The following TBX5 variants were observed in gnomAD, a reference collection of about 807,000 sequenced individuals.
TBX5 encodes T-box transcription factor 5, also known as T-box transcription factor TBX5.
TBX5 carries 8 observed loss-of-function variants against 51.1 expected under a neutral mutation model. The ratio of observed to expected loss-of-function variants is 0.16; its 90% CI spans 0.09 to 0.28. The LOEUF is 0.28. TBX5 is among the 10% of genes least tolerant of loss of function. TBX5 has a pLI of 1.00. For missense variants in TBX5, 589 were observed against 671.7 expected, an observed-to-expected ratio of 0.88 and a Z score of 1.36; for synonymous variants, 302 against 266.4, an observed-to-expected ratio of 1.13 and a Z score of -1.30.
At chr12:114,386,651 A>C (rs1461677447) in intron 6 of TBX5, among the ~76,000 whole-genome samples, 1 of 152,218 alleles carries the variant, frequency 6.6e-6, no homozygotes, top group Non-Finnish European at 1.5e-5. Context: ...GAAGAAAATA[A>C]ATATATGTAA....
At chr12:114,356,760 C>G (rs1868940047) in intron 8 of TBX5, among the ~76,000 whole-genome samples, 2 of 152,190 alleles carry the variant, frequency 1.3e-5, no homozygotes, top group Admixed American at 6.5e-5. Flanking sequence ...ATTCTAAGCA[C>G]TCTCCAGGAA....
chr12:114,365,829 C>CAAAAAAAAA (rs56315440), intron 8 of TBX5, among the ~76,000 whole-genome samples: 1 of 124,652 alleles, frequency 8.0e-6, no homozygotes. Flanking sequence ...GATCCTGTCT[C>CAAAAAAAAA]AAAAAAAAAA....
intron 1 of TBX5, among the ~76,000 whole-genome samples, 185 bp downstream of exon 1, chr12:114,405,443 G>C (rs921053541): frequency 6.6e-6 from 1 of 152,136 alleles, no homozygotes; most frequent in Non-Finnish European, 1.5e-5. Flanking sequence ...CCTCAATGCC[G>C]CTCCGCCAGC....
chr12:114,399,286 C>T (rs1246501520), intron 4 of TBX5, among the ~76,000 whole-genome samples: 1 of 152,206 alleles, frequency 6.6e-6, no homozygotes, highest in Non-Finnish European at 1.5e-5. Context: ...ACAGGCACCT[C>T]ACTTCCTCTG....
intron 6 of TBX5, among the ~76,000 whole-genome samples, chr12:114,387,009 G>A (rs923898719): frequency 1.3e-5 from 2 of 151,992 alleles, no homozygotes; most frequent in Non-Finnish European, 2.9e-5. Flanking sequence ...CAGAGGCTAA[G>A]GCAGGTGAAT....
At chr12:114,373,024 T>A in intron 7 of TBX5, among the ~76,000 whole-genome samples, 1 of 142,586 alleles carries the variant, frequency 7.0e-6, no homozygotes, top group Non-Finnish European at 1.5e-5. Context: ...ACACACACAC[T>A]GGGGACACAT....
At chr12:114,393,512 A>T (rs184451526) in intron 6 of TBX5, among the ~76,000 whole-genome samples, 3 of 152,290 alleles carry the variant, frequency 2.0e-5, no homozygotes, top group Admixed American at 1.3e-4. Flanking sequence ...TGCCACCCAC[A>T]ATAAAATGAA....
At chr12:114,381,872 A>C (rs1361037968) in intron 7 of TBX5, among the ~76,000 whole-genome samples, 1 of 152,224 alleles carries the variant, frequency 6.6e-6, no homozygotes, top group Non-Finnish European at 1.5e-5. Flanking sequence ...TTTCCAGGGC[A>C]ACTGCTAACA....
intron 6 of TBX5, among the ~76,000 whole-genome samples, chr12:114,392,862 G>T (rs1871236919): frequency 6.6e-6 from 1 of 152,154 alleles, no homozygotes; most frequent in Admixed American, 6.5e-5. Flanking sequence ...CCTCGGTTTT[G>T]CTCTTGCTGG....
At chr12:114,382,180 G>A (rs1431947789) in intron 7 of TBX5, among the ~76,000 whole-genome samples, 1 of 152,066 alleles carries the variant, frequency 6.6e-6, no homozygotes, top group East Asian at 1.9e-4. Flanking sequence ...TGGATGCGGT[G>A]CTGTGTGCCT....
intron 8 of TBX5, among the ~76,000 whole-genome samples, chr12:114,365,252 G>A (rs1869455336): frequency 6.6e-6 from 1 of 151,164 alleles, no homozygotes; most frequent in South Asian, 2.1e-4. Context: ...GAGAAACACT[G>A]ACACATATGC....
At position 114,403,922 on chromosome 12, in the gene TBX5, G is replaced by T. The variant is rs769107196; in HGVS notation, c.-24C>A. ...ATGGTGCGCCCAGGGCCCTGTGCCC[G>T]CGCAAGGTTCTGCTCTGAGGACAAG... is the stretch of plus-strand genomic sequence containing the variant. On this transcript the variant is annotated 5_prime_UTR_variant, in exon 2 of 9. Coordinates refer to ENST00000405440, the MANE Select transcript of TBX5 (RefSeq NM_181486.4). 14 of 1,607,784 alleles carry T rather than the reference G, an allele frequency of 8.7e-6. No homozygotes were observed. In the East Asian group the frequency reaches 1.8e-4, roughly 20 times the overall value.
rs1298995397 is a variant in TBX5, at chr12:114,403,737, G to A, written c.147+15C>T. 1 of 1,612,092 alleles carries A rather than the reference G, an allele frequency of 6.2e-7. No individual in the cohort carries two copies. The highest frequency in any genetic ancestry group is 8.5e-7 in the Non-Finnish European group (1 of 1,179,850). ...TGATCTCTGCAAAGGGACCCGAAGC[G>A]CGAGGTCTCCTTACCTGCTGGGTGA... is the stretch of plus-strand genomic sequence containing the variant. On this transcript the variant is annotated intron_variant, in intron 2 of 8. Transcript: ENST00000405440.
intron 2 of TBX5, among the ~76,000 whole-genome samples, chr12:114,403,002 C>T (rs556448025): frequency 6.6e-6 from 1 of 152,382 alleles, no homozygotes; most frequent in Non-Finnish European, 1.5e-5. Flanking sequence ...CCCCGTTTCA[C>T]CCCATGTGAC....
intron 6 of TBX5, among the ~76,000 whole-genome samples, chr12:114,388,684 G>GTT (rs1307947552): frequency 1.3e-4 from 15 of 119,676 alleles, no homozygotes; most frequent in East Asian, 3.1e-4. Flanking sequence ...CCGTGTGTGT[G>GTT]TGTGTGTGTG....
Position 114,403,862 on chromosome 12 carries a change from T to A in TBX5, c.37A>T (p.Thr13Ser), listed in dbSNP as rs1244677569. Residue 13 changes from threonine (T) to serine (S), a missense_variant, in exon 2 of 9, where the codon ACG (threonine) becomes TCG (serine). Physicochemically the swap from Thr to Ser is moderately conservative, Grantham distance 58 (BLOSUM62 1). Around this residue, in one of 7 missense-constraint regions of TBX5, gnomAD observed 101 missense variants for 83.3 expected, o/e 1.21. Transcript: ENST00000405440. The stretch of plus-strand genomic sequence containing the variant: ...TCTTTTGCGTCAGGCTCCAGAGGCG[T>A]GTGCGCCAGGCCAAAGCCCTCGTCT... ...DADEGFGLAH[T>S]PLEPDAKDLP... 6.2e-7 allele frequency: 1 copy of A among 1,613,484 alleles called. No homozygotes were observed. The highest frequency in any genetic ancestry group is 8.5e-7 in the Non-Finnish European group (1 of 1,179,944).
chr12:114,355,092 A>T lies in TBX5; in HGVS notation c.*440T>A, dbSNP rs1335987083. The stretch of plus-strand genomic sequence containing the variant: ...GGGTCCCATTAAGAAAATTGAAAGA[A>T]AAAAATATATTATCATTTATTATAT... On this transcript the variant is annotated 3_prime_UTR_variant, in exon 9 of 9. Transcript: ENST00000405440. The T allele has an allele frequency of 6.6e-5, 12 of 182,302 alleles. No homozygotes were observed. Among genetic ancestry groups the T allele is most frequent in the Non-Finnish European group, 3.5e-5 (3 of 85,632 alleles). 11.3% of individuals were successfully genotyped at this position (182,302 alleles called of 1,614,324 possible).
rs1868747599 is a variant in TBX5 at position 114,354,381 on chromosome 12, C to T, written c.*1151G>A. 6.6e-6 allele frequency: 1 copy of T among 152,082 alleles called. No homozygotes were observed. Among genetic ancestry groups the T allele is most frequent in the Admixed American group, 6.5e-5 (1 of 15,274 alleles). 9.4% of individuals were successfully genotyped at this position (152,082 alleles called of 1,614,324 possible). On this transcript the variant is annotated 3_prime_UTR_variant, in exon 9 of 9. Transcript: ENST00000405440. Reference sequence around the variant, plus strand: ...GAACCCTACCATAACACTTTACTTACACACTTTTTTTAATACTGTTTTCGG... The same window carrying T: ...GAACCCTACCATAACACTTTACTTATACACTTTTTTTAATACTGTTTTCGG...
upstream of TBX5, among the ~76,000 whole-genome samples, chr12:114,407,373 G>A (rs1401953974): frequency 6.6e-6 from 1 of 152,188 alleles, no homozygotes; most frequent in Non-Finnish European, 1.5e-5. Flanking sequence ...GCGACCCTAG[G>A]CCGAAGACAC....
Sources: gnomAD v4.1 joint callset for allele counts (sites outside exome capture counted in the v4.1 genomes callset) on GRCh38, gnomAD v4.1.1 for gene constraint, gnomAD v4.1.1 regional missense constraint, MANE v1.5 for transcripts, NCBI Gene and HGNC (gene_info 2026-07-23, HGNC 2026-07-21) for gene names.